The following ATP8B4 variants were observed in gnomAD, a reference collection of about 807,000 sequenced individuals.
ATP8B4 encodes ATPase phospholipid transporting 8B4 (putative), also known as probable phospholipid-transporting ATPase IM.
In ATP8B4, 133 loss-of-function variants were observed where a neutral mutation model predicts 145.6. The observed-to-expected ratio is 0.91, with a 90% CI of 0.79 to 1.05. The LOEUF is 1.05. Among genes scored for constraint, ATP8B4 ranks in the 50% least tolerant of loss-of-function variants. ATP8B4 has a pLI of 0.00. For missense variants in ATP8B4, 1,458 were observed against 1,425.2 expected (o/e 1.02, Z -0.37); for synonymous variants, 507 against 492.9 (o/e 1.03, Z -0.38).
chr15:50,027,379 GTGGATGGATGGATGGA>G (rs56814126), intron 6 of ATP8B4, among the ~76,000 whole-genome samples: 1 of 148,910 alleles, frequency 6.7e-6, no homozygotes, highest in Non-Finnish European at 1.5e-5. Flanking sequence ...GGATGGATGG[GTGGATGGATGGATGGA>G]TGGATGGATG....
chr15:50,043,804 T>C (rs1029096321), intron 5 of ATP8B4, among the ~76,000 whole-genome samples: 2 of 151,206 alleles, frequency 1.3e-5, no homozygotes, highest in South Asian at 2.1e-4. Flanking sequence ...ATACAAAAAA[T>C]TAGCCGGGCG....
At chr15:49,909,838 T>C (rs968845994) in intron 20 of ATP8B4, among the ~76,000 whole-genome samples, 1 of 151,678 alleles carries the variant, frequency 6.6e-6, no homozygotes, top group African/African-American at 2.4e-5. Context: ...AAGATACATA[T>C]TGAGGAAGTC....
chr15:50,118,212 G>C lies in ATP8B4; in HGVS notation c.-43+911C>G, dbSNP rs190853214. On this transcript the variant is annotated intron_variant, in intron 1 of 27. Coordinates refer to ENST00000284509, the MANE Select transcript of ATP8B4 (RefSeq NM_024837.4). ...TTATTGTATCTCAAAATAGCTAGCA[G>C]ATTTGGAATGTTCCCAACACAAAGA... is the stretch of plus-strand genomic sequence containing the variant. Among the ~76,000 whole-genome samples the C allele has an allele frequency of 7.9e-5, 12 of 152,282 alleles. No individual in the cohort carries two copies. In the East Asian group the frequency reaches 2.3e-3, roughly 29 times the overall value.
At chr15:50,162,816 T>G (rs2044542442) in intron 1 of ATP8B4, among the ~76,000 whole-genome samples, 1 of 152,190 alleles carries the variant, frequency 6.6e-6, no homozygotes. Context: ...TCTTTTTTGT[T>G]TTTTTTCTTG....
At chr15:50,072,234 C>T (rs970218452) in intron 3 of ATP8B4, among the ~76,000 whole-genome samples, 3 of 152,078 alleles carry the variant, frequency 2.0e-5, no homozygotes, top group Admixed American at 6.5e-5. Flanking sequence ...TATTTCTATG[C>T]TTTAATAGCC....
At chr15:50,155,940 G>GT (rs987059076) in intron 1 of ATP8B4, among the ~76,000 whole-genome samples, 9 of 150,032 alleles carry the variant, frequency 6.0e-5, no homozygotes, top group Non-Finnish European at 8.9e-5. Context: ...TTTAAAAGAT[G>GT]TTTTTTTCAG....
At chr15:50,164,715 T>C (rs2044570554) in intron 1 of ATP8B4, among the ~76,000 whole-genome samples, 1 of 152,198 alleles carries the variant, frequency 6.6e-6, no homozygotes, top group Non-Finnish European at 1.5e-5. Flanking sequence ...ACCTTTCAAG[T>C]TTATTTAGGA....
intron 2 of ATP8B4, among the ~76,000 whole-genome samples, chr15:50,103,927 A>T (rs1475035934): frequency 6.6e-6 from 1 of 152,140 alleles, no homozygotes; most frequent in Admixed American, 6.6e-5. Flanking sequence ...AAGTAAAGCT[A>T]AATATTTACA....
chr15:50,176,572 A>C (rs1300849806), intron 1 of ATP8B4, among the ~76,000 whole-genome samples: 2 of 152,132 alleles, frequency 1.3e-5, no homozygotes, highest in Non-Finnish European at 2.9e-5. Flanking sequence ...AAATAATAAA[A>C]TCCAAAAAAG....
chr15:49,968,110 G>C (rs746966386), intron 13 of ATP8B4, among the ~76,000 whole-genome samples: 1 of 152,112 alleles, frequency 6.6e-6, no homozygotes, highest in African/African-American at 2.4e-5. Flanking sequence ...TGCCTTACAA[G>C]AGCTCCTGAA....
At chr15:50,111,959 G>T (rs1173612547) in intron 1 of ATP8B4, among the ~76,000 whole-genome samples, 1 of 152,138 alleles carries the variant, frequency 6.6e-6, no homozygotes, top group Non-Finnish European at 1.5e-5. Context: ...TTTGAATCCA[G>T]AAGTTCTAGA....
At chr15:50,084,111 G>A (rs2054735576) in intron 2 of ATP8B4, among the ~76,000 whole-genome samples, 1 of 151,908 alleles carries the variant, frequency 6.6e-6, no homozygotes, top group African/African-American at 2.4e-5. Context: ...GGGTTATTTT[G>A]CCAGGCACCT....
intron 10 of ATP8B4, among the ~76,000 whole-genome samples, chr15:49,983,063 TAA>T (rs1440488053): frequency 6.6e-6 from 1 of 152,142 alleles, no homozygotes. Context: ...TGAGAATCCT[TAA>T]GACTCAGGCA....
intron 10 of ATP8B4, among the ~76,000 whole-genome samples, chr15:49,986,499 G>A (rs1235270759): frequency 1.3e-5 from 2 of 152,200 alleles, no homozygotes; most frequent in Admixed American, 6.5e-5. Context: ...CAAGCGGCAA[G>A]AGCACTGCTA....
In ATP8B4 at chr15:50,106,651, A is replaced by T. The variant is rs1391728290; in HGVS notation, c.28+288T>A. 2.0e-5 allele frequency among the ~76,000 whole-genome samples: 3 copies of T among 152,320 alleles called. No homozygotes were observed. In the East Asian group the frequency reaches 5.8e-4, roughly 29 times the overall value. ...GTATGATTTCATTTATATTCATTTC[A>T]AAAGTAGGTAAAACTGATCTGACAG... On this transcript the variant is annotated intron_variant, in intron 2 of 27. Coordinates refer to ENST00000284509, the MANE Select transcript of ATP8B4 (RefSeq NM_024837.4).
intron 3 of ATP8B4, 111 bp downstream of exon 3, chr15:50,074,016 G>A: frequency 3.9e-6 from 3 of 768,452 alleles, no homozygotes; most frequent in Non-Finnish European, 6.4e-6. Context: ...TGTCAAAATG[G>A]GCCAATGAAG....
At chr15:50,122,676 T>C (rs1008807953), upstream of ATP8B4, among the ~76,000 whole-genome samples, 9 of 152,104 alleles carry the variant, frequency 5.9e-5, no homozygotes, top group African/African-American at 1.4e-4. Flanking sequence ...CACTAAATAA[T>C]GAAAGAAAAT....
At chr15:50,156,230 C>T (rs1306535690) in intron 1 of ATP8B4, among the ~76,000 whole-genome samples, 1 of 148,532 alleles carries the variant, frequency 6.7e-6, no homozygotes, top group Non-Finnish European at 1.5e-5. Context: ...GTTGCTTTTC[C>T]TTTTGGCCCC....
chr15:49,957,189 G>A (rs2043645671), intron 14 of ATP8B4, among the ~76,000 whole-genome samples: 1 of 151,912 alleles, frequency 6.6e-6, no homozygotes, highest in Admixed American at 6.6e-5. Context: ...AAAAATATTA[G>A]GAAAATATGA....
Sources: allele counts gnomAD v4.1 joint callset (sites outside exome capture counted in the v4.1 genomes callset), GRCh38; gene constraint gnomAD v4.1.1; transcripts MANE v1.5; gene names NCBI Gene and HGNC (gene_info 2026-07-23, HGNC 2026-07-21).